The following PABPC4L variants were observed in gnomAD, a reference collection of about 807,000 sequenced individuals.
PABPC4L encodes the protein polyadenylate-binding protein 4-like.
For synonymous variants in PABPC4L, 169 were observed against 164.1 expected (o/e 1.03, Z -0.23); for missense variants, 452 against 451.4 (o/e 1.00, Z -0.01).
the PABPC4L span, among the ~76,000 whole-genome samples, chr4:134,105,990 G>A: frequency 6.6e-6 from 1 of 151,554 alleles, no homozygotes; most frequent in African/African-American, 2.4e-5. Flanking sequence ...AATTTTTCTA[G>A]ATAGTGATTC....
chr4:134,109,328 G>T, the PABPC4L span, among the ~76,000 whole-genome samples: 1 of 151,670 alleles, frequency 6.6e-6, no homozygotes, highest in Non-Finnish European at 1.5e-5. Flanking sequence ...AATTACAGTT[G>T]AGCCTAAATT....
At chr4:134,144,324 C>A in the PABPC4L span, among the ~76,000 whole-genome samples, 1 of 151,524 alleles carries the variant, frequency 6.6e-6, no homozygotes, top group Non-Finnish European at 1.5e-5. Context: ...TTTTCTAGCA[C>A]ATGAAATACA....
the PABPC4L span, among the ~76,000 whole-genome samples, chr4:134,112,589 T>A: frequency 6.6e-6 from 1 of 151,362 alleles, no homozygotes; most frequent in Non-Finnish European, 1.5e-5. Context: ...TATCTATCTA[T>A]CTATCTATCT....
At chr4:134,019,879 C>G in the PABPC4L span, among the ~76,000 whole-genome samples, 1 of 152,048 alleles carries the variant, frequency 6.6e-6, no homozygotes, top group South Asian at 2.1e-4. Flanking sequence ...CAGGGTAAAA[C>G]AGAGAACTTA....
chr4:134,102,713 A>T, the PABPC4L span, among the ~76,000 whole-genome samples: 3 of 151,582 alleles, frequency 2.0e-5, 1 homozygote, highest in Admixed American at 2.0e-4. Context: ...CATATTATAG[A>T]ATATCCAAAT....
the PABPC4L span, among the ~76,000 whole-genome samples, chr4:134,013,862 GCTCCACTC>G: frequency 6.6e-6 from 1 of 151,520 alleles, no homozygotes; most frequent in Non-Finnish European, 1.5e-5. Flanking sequence ...TCTTCCTCAG[GCTCCACTC>G]CTCCACCCTA....
At chr4:134,184,978 TTCTTGAGATGTCTTC>T in the PABPC4L span, among the ~76,000 whole-genome samples, 18 of 152,078 alleles carry the variant, frequency 1.2e-4, no homozygotes, top group African/African-American at 4.1e-4. Context: ...TATATCTCCT[TTCTTGAGATGTCTTC>T]TGCCTATTTT....
At chr4:134,178,514 C>T in the PABPC4L span, among the ~76,000 whole-genome samples, 1 of 151,942 alleles carries the variant, frequency 6.6e-6, no homozygotes, top group Non-Finnish European at 1.5e-5. Context: ...TGATTGCACT[C>T]GTTCACCAGC....
the PABPC4L span, among the ~76,000 whole-genome samples, chr4:133,949,467 A>G: frequency 6.6e-6 from 1 of 152,136 alleles, no homozygotes; most frequent in Non-Finnish European, 1.5e-5. Flanking sequence ...TCCTAATCAT[A>G]TCCACCCCCA....
the PABPC4L span, among the ~76,000 whole-genome samples, chr4:134,154,232 G>A: frequency 3.3e-5 from 5 of 152,086 alleles, no homozygotes; most frequent in Non-Finnish European, 5.9e-5. Flanking sequence ...TATTTAGGCA[G>A]ACTGCCTGAG....
chr4:134,193,243 T>A (rs1729562057), downstream of PABPC4L, among the ~76,000 whole-genome samples: 1 of 151,186 alleles, frequency 6.6e-6, no homozygotes, highest in Non-Finnish European at 1.5e-5. Context: ...AAACTTACTT[T>A]ACTTTTTTTT....
chr4:133,990,351 T>C, the PABPC4L span, among the ~76,000 whole-genome samples: 2 of 152,178 alleles, frequency 1.3e-5, no homozygotes, highest in African/African-American at 4.8e-5. Context: ...TGATCATTGA[T>C]GTTTCTATTA....
At chr4:134,164,942 A>G in the PABPC4L span, among the ~76,000 whole-genome samples, 1 of 152,156 alleles carries the variant, frequency 6.6e-6, no homozygotes, top group African/African-American at 2.4e-5. Flanking sequence ...TACATAGAAC[A>G]ATGGAACAGA....
At chr4:134,092,016 A>G in the PABPC4L span, among the ~76,000 whole-genome samples, 1 of 151,974 alleles carries the variant, frequency 6.6e-6, no homozygotes, top group African/African-American at 2.4e-5. Flanking sequence ...AGTTATTGAT[A>G]GATTTTCTTC....
At chr4:133,951,076 G>T in the PABPC4L span, among the ~76,000 whole-genome samples, 1 of 152,042 alleles carries the variant, frequency 6.6e-6, no homozygotes, top group East Asian at 1.9e-4. Context: ...TCTTACATAA[G>T]GATTGTTTTT....
At chr4:134,143,502 T>C in the PABPC4L span, among the ~76,000 whole-genome samples, 1 of 150,512 alleles carries the variant, frequency 6.6e-6, no homozygotes, top group Non-Finnish European at 1.5e-5. Flanking sequence ...TAATAAATAC[T>C]CATTTGGAAT....
chr4:134,041,213 C>T, the PABPC4L span, among the ~76,000 whole-genome samples: 1 of 152,104 alleles, frequency 6.6e-6, no homozygotes, highest in Non-Finnish European at 1.5e-5. Context: ...ACTCAGCAAT[C>T]TCATTACTGG....
the PABPC4L span, among the ~76,000 whole-genome samples, chr4:133,982,572 A>T: frequency 6.6e-6 from 1 of 152,026 alleles, no homozygotes; most frequent in Admixed American, 6.6e-5. Context: ...CATTTTAAAG[A>T]AAGTGTTTAT....
the PABPC4L span, among the ~76,000 whole-genome samples, chr4:134,133,692 G>C: frequency 1.3e-5 from 2 of 151,736 alleles, no homozygotes; most frequent in Admixed American, 1.3e-4. Flanking sequence ...CTGCGGAAAG[G>C]GTGGAAGGGG....
Sources: gnomAD v4.1 joint callset for allele counts (sites outside exome capture counted in the v4.1 genomes callset) on GRCh38, gnomAD v4.1.1 for gene constraint, MANE v1.5 for transcripts, NCBI Gene and HGNC (gene_info 2026-07-23, HGNC 2026-07-21) for gene names.